Variants in IMMP2L observed in about 807,000 individuals in gnomAD.
IMMP2L encodes inner mitochondrial membrane peptidase subunit 2.
In IMMP2L, 18 loss-of-function variants were observed where a neutral mutation model predicts 19.3. The ratio of observed to expected loss-of-function variants is 0.93; its 90% CI spans 0.64 to 1.38. IMMP2L has a LOEUF of 1.38. IMMP2L is among the 40% of genes most tolerant of loss of function. The pLI is 0.00. For synonymous variants in IMMP2L, 76 were observed against 73.0 expected (o/e 1.04, Z -0.21); for missense variants, 233 against 218.2 (o/e 1.07, Z -0.43).
rs113082507 is a variant in IMMP2L at position 111,273,809 on chromosome 7, G to C, written c.239+213429C>G. 3.1e-3 allele frequency among the ~76,000 whole-genome samples: 475 copies of C among 152,230 alleles called. 2 individuals are homozygous for C. The highest frequency in any genetic ancestry group is 0.011 in the African/African-American group (450 of 41,528). ...AATAATTATGTTTGGCTGGAGCATA[G>C]TGGCATAAAGGGAAGGAATGAAAAG... On this transcript the variant is annotated intron_variant, in intron 3 of 5. Coordinates refer to ENST00000405709, the MANE Select transcript of IMMP2L (RefSeq NM_032549.4).
At chr7:111,018,263 G>C (rs1825906370) in intron 3 of IMMP2L, among the ~76,000 whole-genome samples, 1 of 152,102 alleles carries the variant, frequency 6.6e-6, no homozygotes, top group Non-Finnish European at 1.5e-5. Flanking sequence ...CAGCATGGTG[G>C]GACACAGTGT....
At position 110,672,305 on chromosome 7, in the gene IMMP2L, G is replaced by C. The variant is rs546520242; in HGVS notation, c.409-8584C>G. Among the ~76,000 whole-genome samples the C allele has an allele frequency of 4.6e-5, 7 of 152,138 alleles. No individual in the cohort carries two copies. The South Asian group carries it at 1.5e-3, about 32-fold the overall frequency. The stretch of plus-strand genomic sequence containing the variant: ...ACGCACTATCACAACAAAAGCATGA[G>C]GGTGATTGACCCCATGATTCAATTA... On this transcript the variant is annotated intron_variant, in intron 5 of 5. Coordinates refer to ENST00000405709, the MANE Select transcript of IMMP2L (RefSeq NM_032549.4).
chr7:111,349,732 G>A (rs1439080266), intron 3 of IMMP2L, among the ~76,000 whole-genome samples: 7 of 152,030 alleles, frequency 4.6e-5, no homozygotes, highest in African/African-American at 1.4e-4. Context: ...GAAAGGAAAG[G>A]AAGGGGAGGC....
rs549151357 is a variant in IMMP2L at position 111,471,942 on chromosome 7, A to T, written c.239+15296T>A. ...AGGTCACCTAGCTACTGGAAACAAA[A>T]CCCAGACTAGAACCTAGTCCGTGGG... On this transcript the variant is annotated intron_variant, in intron 3 of 5. Coordinates refer to ENST00000405709, the MANE Select transcript of IMMP2L (RefSeq NM_032549.4). Among the ~76,000 whole-genome samples, 3 of 152,168 alleles carry T rather than the reference A, an allele frequency of 2.0e-5. No individual in the cohort carries two copies. The East Asian group carries it at 5.8e-4, about 29-fold the overall frequency.
chr7:110,864,363 T>C (rs746927861), intron 5 of IMMP2L, among the ~76,000 whole-genome samples: 3 of 152,062 alleles, frequency 2.0e-5, no homozygotes, highest in Non-Finnish European at 4.4e-5. Flanking sequence ...GGTATGAATG[T>C]GTTCAAATAT....
At position 111,290,786 on chromosome 7, in the gene IMMP2L, GTC is replaced by G. The variant is rs943032649; in HGVS notation, c.239+196450_239+196451del. 7.6e-5 allele frequency among the ~76,000 whole-genome samples: 11 copies of G among 145,130 alleles called. No homozygotes were observed. In the Admixed American group the frequency reaches 7.7e-4, roughly 10 times the overall value. On this transcript the variant is annotated intron_variant, in intron 3 of 5. Coordinates refer to ENST00000405709, the MANE Select transcript of IMMP2L (RefSeq NM_032549.4). Reference sequence around the variant, plus strand: ...TGCACTTATCACTATTTAATACTCTGTCTCTCTTTCTCTCTCTCTCTCACTAT... The same window carrying G: ...TGCACTTATCACTATTTAATACTCTGTCTCTTTCTCTCTCTCTCTCACTAT...
intron 4 of IMMP2L, among the ~76,000 whole-genome samples, chr7:110,939,170 G>T (rs552786408): frequency 3.9e-5 from 6 of 152,166 alleles, no homozygotes; most frequent in African/African-American, 1.4e-4. Flanking sequence ...TGATCCTAGG[G>T]CATCACCCCT....
intron 5 of IMMP2L, among the ~76,000 whole-genome samples, chr7:110,687,160 C>T (rs538230774): frequency 2.2e-4 from 33 of 152,138 alleles, no homozygotes; most frequent in African/African-American, 7.9e-4. Context: ...GTATTCATAA[C>T]ATTTTGCCCC....
chr7:111,031,562 A>G (rs956195287), intron 3 of IMMP2L, among the ~76,000 whole-genome samples: 5 of 152,188 alleles, frequency 3.3e-5, no homozygotes, highest in East Asian at 1.9e-4. Flanking sequence ...AATATCCACA[A>G]GCCTACACAG....
intron 1 of IMMP2L, among the ~76,000 whole-genome samples, chr7:111,525,815 A>G (rs905885331): frequency 6.6e-6 from 1 of 152,126 alleles, no homozygotes; most frequent in Non-Finnish European, 1.5e-5. Context: ...GCAAACAAGC[A>G]GATGTGCTCC....
intron 3 of IMMP2L, among the ~76,000 whole-genome samples, chr7:111,113,741 C>A (rs918773501): frequency 6.6e-6 from 1 of 152,066 alleles, no homozygotes; most frequent in African/African-American, 2.4e-5. Flanking sequence ...CATTGTACTG[C>A]AAGGCACAAT....
At chr7:110,679,734 C>T (rs1792573082) in intron 5 of IMMP2L, among the ~76,000 whole-genome samples, 1 of 152,188 alleles carries the variant, frequency 6.6e-6, no homozygotes, top group African/African-American at 2.4e-5. Context: ...TCTCCCTCTA[C>T]TTCCCTTTCC....
At chr7:111,551,498 G>A (rs1563347689) in intron 1 of IMMP2L, among the ~76,000 whole-genome samples, 2 of 37,362 alleles carry the variant, frequency 5.4e-5, no homozygotes, top group Non-Finnish European at 8.8e-5. Context: ...TGTTAGAGGT[G>A]TGTGTGTGTG....
chr7:110,781,242 G>A (rs1322952536), intron 5 of IMMP2L, among the ~76,000 whole-genome samples: 1 of 151,842 alleles, frequency 6.6e-6, no homozygotes, highest in Non-Finnish European at 1.5e-5. Context: ...GGGAGTTGAA[G>A]AAAGGTGTTC....
At chr7:111,048,528 T>C (rs1378517362) in intron 3 of IMMP2L, among the ~76,000 whole-genome samples, 7 of 152,148 alleles carry the variant, frequency 4.6e-5, no homozygotes, top group Non-Finnish European at 8.8e-5. Flanking sequence ...TGTACCTTAA[T>C]CATAGTACTT....
At chr7:110,832,518 T>C (rs1306001455) in intron 5 of IMMP2L, among the ~76,000 whole-genome samples, 1 of 152,090 alleles carries the variant, frequency 6.6e-6, no homozygotes, top group Non-Finnish European at 1.5e-5. Flanking sequence ...GGCCTGCTGG[T>C]GGCGTGCTTC....
rs576331736 is a variant in IMMP2L at position 110,979,582 on chromosome 7, T to C, written c.240-16017A>G. ...TCAGTATTATTGGGTGTGACCAACA[T>C]GGCACATGTATACATATGTAACCAA... On this transcript the variant is annotated intron_variant, in intron 3 of 5. Transcript: ENST00000405709. Among the ~76,000 whole-genome samples, 5 of 152,250 alleles carry C rather than the reference T, an allele frequency of 3.3e-5. No homozygotes were observed. In the South Asian group the frequency reaches 8.3e-4, roughly 25 times the overall value.
chr7:110,989,275 G>T (rs1822199666), intron 3 of IMMP2L, among the ~76,000 whole-genome samples: 1 of 151,872 alleles, frequency 6.6e-6, no homozygotes, highest in Non-Finnish European at 1.5e-5. Flanking sequence ...GGTGACTCAT[G>T]CCTATAATCT....
Position 111,521,412 on chromosome 7 carries a change from G to T in IMMP2L, c.36C>A (p.Ile12=). ...CAAAGAAGCCTTTACAAAAGGCCTTGATGTATCTTTTCACCCACCCTTGTG... is the reference window on the plus strand; with the variant it reads ...CAAAGAAGCCTTTACAAAAGGCCTTTATGTATCTTTTCACCCACCCTTGTG... ...AQSQGWVKRY[I]KAFCKGFFVA... Residue 12 remains isoleucine, a synonymous_variant, in exon 2 of 6, where the codon ATC becomes ATA. Transcript: ENST00000405709. 2 of 1,612,826 alleles carry T rather than the reference G, an allele frequency of 1.2e-6. No individual in the cohort carries two copies. The highest frequency in any genetic ancestry group is 1.7e-6 in the Non-Finnish European group (2 of 1,179,196).
Sources: allele counts gnomAD v4.1 joint callset (sites outside exome capture counted in the v4.1 genomes callset), GRCh38; gene constraint gnomAD v4.1.1; transcripts MANE v1.5; gene names NCBI Gene and HGNC (gene_info 2026-07-23, HGNC 2026-07-21).